PDE4D: variants seen among roughly 807,000 people sequenced by gnomAD.
PDE4D encodes phosphodiesterase 4D.
Under a neutral mutation model 87.4 loss-of-function variants are expected in PDE4D, and 24 were observed. The ratio of observed to expected loss-of-function variants is 0.27; its 90% CI spans 0.20 to 0.39. The LOEUF (loss-of-function observed/expected upper bound fraction) is 0.39, where lower values mean the gene tolerates loss of function less well. PDE4D is among the 10% of genes least tolerant of loss of function. PDE4D has a pLI of 1.00. For missense variants in PDE4D, 714 were observed against 1,041.0 expected, an observed-to-expected ratio of 0.69 and a Z score of 4.32; for synonymous variants, 384 against 383.2, an observed-to-expected ratio of 1.00 and a Z score of -0.02.
rs71628000 is a variant in PDE4D at position 60,263,566 on chromosome 5, T to C, written c.-89-77879A>G. Among the ~76,000 whole-genome samples the C allele has an allele frequency of 4.6e-3, 702 of 152,332 alleles. 9 individuals are homozygous for C. The highest frequency in any genetic ancestry group is 5.8e-3 in the Non-Finnish European group (392 of 68,022). Reference sequence around the variant, plus strand: ...AGCAACATCTGGGAAGTTGCCTGATTGCTCTTGCAATAAAATGCTTCATGG... The same window carrying C: ...AGCAACATCTGGGAAGTTGCCTGATCGCTCTTGCAATAAAATGCTTCATGG... On this transcript the variant is annotated intron_variant, in intron 1 of 16. Coordinates refer to the PDE4D transcript ENST00000502484.
intron 1 of PDE4D, among the ~76,000 whole-genome samples, chr5:60,349,771 G>A (rs1381564888): frequency 6.6e-6 from 1 of 151,984 alleles, no homozygotes; most frequent in Non-Finnish European, 1.5e-5. Context: ...TCTTTTTGAG[G>A]TTTTCGTGTC....
intron 1 of PDE4D, among the ~76,000 whole-genome samples, chr5:59,477,597 G>T (rs1174895064): frequency 6.6e-6 from 1 of 152,186 alleles, no homozygotes; most frequent in East Asian, 1.9e-4. Context: ...ATACGCTGTT[G>T]GTGGACATGT....
intron 1 of PDE4D, among the ~76,000 whole-genome samples, chr5:60,468,430 T>C (rs1441651618): frequency 1.3e-5 from 2 of 151,464 alleles, no homozygotes; most frequent in African/African-American, 4.8e-5. Flanking sequence ...TGAGCCACCA[T>C]GCCCAGTCTA....
intron 1 of PDE4D, among the ~76,000 whole-genome samples, chr5:60,487,461 G>T (rs1749242448): frequency 6.6e-6 from 1 of 152,162 alleles, no homozygotes; most frequent in Non-Finnish European, 1.5e-5. Flanking sequence ...CAAAAGTATT[G>T]CTGCCATCAT....
At position 58,974,448 on chromosome 5, in the gene PDE4D, T is replaced by C. The variant is rs913042599; in HGVS notation, c.*216A>G. 7.9e-6 allele frequency: 3 copies of C among 378,662 alleles called. No individual in the cohort carries two copies. The highest frequency in any genetic ancestry group is 2.1e-5 in the African/African-American group (1 of 48,570). 23.5% of individuals were successfully genotyped at this position (378,662 alleles called of 1,614,324 possible). A position where few individuals can be genotyped will look rare whatever the true frequency, so the allele number is the denominator to read the frequency against. On this transcript the variant is annotated 3_prime_UTR_variant, in exon 15 of 15. Transcript: ENST00000340635. ...CAAGCTGAAATCTTGTTAAAAACGC[T>C]GTTCGTGAAGATGTCCACCTTGCTC...
chr5:59,688,829 C>T (rs1182477111), intron 1 of PDE4D, among the ~76,000 whole-genome samples: 1 of 151,050 alleles, frequency 6.6e-6, no homozygotes, highest in Non-Finnish European at 1.5e-5. Context: ...ACTAGCAAGA[C>T]TAATAAAGAA....
chr5:59,739,231 G>A (rs772071636), intron 1 of PDE4D, among the ~76,000 whole-genome samples: 5 of 152,016 alleles, frequency 3.3e-5, no homozygotes, highest in Non-Finnish European at 7.4e-5. Flanking sequence ...ACTGACCTAC[G>A]CAATATGGTG....
intron 2 of PDE4D, among the ~76,000 whole-genome samples, chr5:60,026,810 T>A (rs768361876): frequency 6.6e-6 from 1 of 152,208 alleles, no homozygotes; most frequent in Non-Finnish European, 1.5e-5. Context: ...AAATAAAATC[T>A]ACTTCTCAGC....
chr5:59,692,793 C>G (rs906286171), intron 1 of PDE4D, among the ~76,000 whole-genome samples: 10 of 152,068 alleles, frequency 6.6e-5, no homozygotes, highest in African/African-American at 2.2e-4. Context: ...ATTCTGAGTG[C>G]CTCTGTTGAT....
chr5:59,846,435 T>A (rs1743860599), intron 1 of PDE4D, among the ~76,000 whole-genome samples: 1 of 152,076 alleles, frequency 6.6e-6, no homozygotes, highest in Non-Finnish European at 1.5e-5. Context: ...ATGTTCCTAT[T>A]CCCAAGCCTT....
At chr5:60,155,716 A>G (rs1781907748) in intron 2 of PDE4D, among the ~76,000 whole-genome samples, 1 of 152,210 alleles carries the variant, frequency 6.6e-6, no homozygotes, top group African/African-American at 2.4e-5. Flanking sequence ...GCAGAGGTTC[A>G]GGTAGAATAA....
intron 1 of PDE4D, among the ~76,000 whole-genome samples, chr5:59,762,473 T>C (rs1328364121): frequency 7.1e-6 from 1 of 140,546 alleles, no homozygotes; most frequent in Non-Finnish European, 1.5e-5. Flanking sequence ...TGTATATGGG[T>C]ACACATATGT....
At chr5:60,488,240 C>T (rs946163475), upstream of PDE4D, 4 of 152,196 alleles carry the variant, frequency 2.6e-5, no homozygotes, top group Non-Finnish European at 5.9e-5. Context: ...ATCACTTTGC[C>T]TCTAAAGGCC....
At chr5:60,386,978 C>T (rs183775698) in intron 1 of PDE4D, among the ~76,000 whole-genome samples, 2 of 152,324 alleles carry the variant, frequency 1.3e-5, no homozygotes, top group African/African-American at 4.8e-5. Flanking sequence ...GCTGCTTTTA[C>T]TCTCCTGCCC....
intron 1 of PDE4D, among the ~76,000 whole-genome samples, chr5:59,530,416 G>T (rs1479258026): frequency 6.6e-6 from 1 of 152,024 alleles, no homozygotes; most frequent in Non-Finnish European, 1.5e-5. Flanking sequence ...CAAAATCCAT[G>T]GATGCTCAAG....
intron 1 of PDE4D, among the ~76,000 whole-genome samples, chr5:59,647,101 T>C (rs1292777975): frequency 6.6e-6 from 1 of 152,172 alleles, no homozygotes; most frequent in Non-Finnish European, 1.5e-5. Context: ...TTCAGCTCCA[T>C]AATCCTTACT....
Position 59,038,986 on chromosome 5 carries a change from G to A in PDE4D, c.809-15C>T. 2.6e-6 allele frequency: 4 copies of A among 1,564,220 alleles called. No homozygotes were observed. The highest frequency in any genetic ancestry group is 2.6e-6 in the Non-Finnish European group (3 of 1,153,566). ...GTAGGCCTCCTCTGCGAAGAGACAG[G>A]GAAAGGGGGACTCAGTTCTCAAGCG... On this transcript the variant is annotated splice_polypyrimidine_tract_variant and intron_variant, in intron 5 of 14. Coordinates refer to ENST00000340635, the MANE Select transcript of PDE4D (RefSeq NM_001104631.2).
intron 1 of PDE4D, among the ~76,000 whole-genome samples, chr5:59,307,862 T>C (rs957189743): frequency 1.4e-4 from 21 of 151,960 alleles, no homozygotes; most frequent in African/African-American, 5.1e-4. Context: ...CATTACCGGG[T>C]ATATACCCAA....
chr5:60,005,657 CA>C (rs1489897317), intron 2 of PDE4D, among the ~76,000 whole-genome samples: 6 of 151,670 alleles, frequency 4.0e-5, no homozygotes, highest in Admixed American at 1.3e-4. Flanking sequence ...GCTGGGGAAA[CA>C]AAAAACAAAA....
Sources: allele counts gnomAD v4.1 joint callset (sites outside exome capture counted in the v4.1 genomes callset), GRCh38; gene constraint gnomAD v4.1.1; transcripts MANE v1.5; gene names NCBI Gene and HGNC (gene_info 2026-07-23, HGNC 2026-07-21).